PRDM16: variants seen among roughly 807,000 people sequenced by gnomAD.
The protein encoded by PRDM16 is PR/SET domain 16, also known as histone-lysine N-methyltransferase PRDM16.
A neutral mutation model predicts 110.6 loss-of-function variants in PRDM16; 23 were observed. The ratio of observed to expected loss-of-function variants is 0.21; its 90% confidence interval spans 0.15 to 0.29. The LOEUF (loss-of-function observed/expected upper bound fraction) is 0.29, where lower values mean the gene tolerates loss of function less well. PRDM16 is among the 10% of genes least tolerant of loss of function. The pLI is 1.00. For synonymous variants in PRDM16, 799 were observed against 781.8 expected (o/e 1.02, Z -0.37); for missense variants, 1,615 against 1,794.3 (o/e 0.90, Z 1.81).
chr1:3,140,796 C>T (rs1411900625), intron 1 of PRDM16, among the ~76,000 whole-genome samples: 6 of 152,362 alleles, frequency 3.9e-5, no homozygotes, highest in South Asian at 2.1e-4. Context: ...GTCCCGCCTC[C>T]GTTTCCGCAT....
At chr1:3,074,536 G>A (rs546760222) in intron 1 of PRDM16, among the ~76,000 whole-genome samples, 12 of 151,680 alleles carry the variant, frequency 7.9e-5, no homozygotes, top group Non-Finnish European at 1.8e-4. Context: ...TGCGTCCAGC[G>A]TGTAAGTGAC....
rs1018066858 is a variant in PRDM16 at position 3,245,140 on chromosome 1, G to T, written c.438+1003G>T. Among the ~76,000 whole-genome samples the T allele has an allele frequency of 2.0e-5, 3 of 152,202 alleles. No individual in the cohort carries two copies. In the South Asian group the frequency reaches 6.2e-4, roughly 31 times the overall value. On this transcript the variant is annotated intron_variant, in intron 3 of 16. Coordinates refer to ENST00000270722, the MANE Select transcript of PRDM16 (RefSeq NM_022114.4). The surrounding 1 kb of genome is among the most constrained non-coding windows in gnomAD (Gnocchi z 4.7). ...AGTGCTGAGTCAGTGCCTACCGAGT[G>T]CTGTTACAATTCTGTCAGAATTACA...
chr1:3,332,096 GC>G (rs994682136), intron 3 of PRDM16, among the ~76,000 whole-genome samples: 1 of 152,240 alleles, frequency 6.6e-6, no homozygotes, highest in Non-Finnish European at 1.5e-5. Flanking sequence ...GTCTGGCCAA[GC>G]CCCCGACCCT....
Position 3,165,591 on chromosome 1 carries a change from C to CAGGGACAGTGACTCACCTGGGCT in PRDM16, c.38-20534_38-20533insAGGGACAGTGACTCACCTGGGCT, listed in dbSNP as rs1643944629. 1.2e-3 allele frequency among the ~76,000 whole-genome samples: 14 copies of CAGGGACAGTGACTCACCTGGGCT among 11,518 alleles called. 6 individuals carry two copies. Among genetic ancestry groups the CAGGGACAGTGACTCACCTGGGCT allele is most frequent in the African/African-American group, 6.1e-3 (12 of 1,952 alleles). The allele number at this position is 11,518 out of a possible 152,430, so 7.6% of individuals were successfully genotyped here. A position where few individuals can be genotyped will look rare whatever the true frequency, so the allele number is the denominator to read the frequency against. ...CTCAGGGACAGGGACTCACCTGGGC[C>CAGGGACAGTGACTCACCTGGGCT]CAGGGACAGGGACTCACCTGGGCTC... On this transcript the variant is annotated intron_variant, in intron 1 of 16. Transcript: ENST00000270722.
At chr1:3,108,916 AT>A (rs1216200352) in intron 1 of PRDM16, among the ~76,000 whole-genome samples, 2 of 149,228 alleles carry the variant, frequency 1.3e-5, no homozygotes, top group African/African-American at 2.5e-5. Context: ...AAAAAAAAAA[AT>A]ACAAAAATAC....
chr1:3,184,392 C>A (rs1569793715), intron 1 of PRDM16, among the ~76,000 whole-genome samples: 1 of 152,090 alleles, frequency 6.6e-6, no homozygotes, highest in Non-Finnish European at 1.5e-5. Flanking sequence ...CGACAGGGTG[C>A]GGGGCGGGGG....
At chr1:3,135,689 G>A (rs2100691980) in intron 1 of PRDM16, among the ~76,000 whole-genome samples, 1 of 152,346 alleles carries the variant, frequency 6.6e-6, no homozygotes, top group East Asian at 1.9e-4. Context: ...TGGCATTGTG[G>A]GTCCCGCACA....
At position 3,175,724 on chromosome 1, in the gene PRDM16, A is replaced by C. The variant is rs1277876119; in HGVS notation, c.38-10401A>C. On this transcript the variant is annotated intron_variant, in intron 1 of 16. Transcript: ENST00000270722. This position sits in a 1 kb window ranked among gnomAD's most constrained non-coding sequence, Gnocchi z 4.8. ...GGTGCAGGGAGGGTGACAGCCGGTC[A>C]GCCCTGAAGAAGCAGCAGAGAAACC... is the stretch of plus-strand genomic sequence containing the variant. Among the ~76,000 whole-genome samples, 1 of 152,222 alleles carries C rather than the reference A, an allele frequency of 6.6e-6. No individual in the cohort carries two copies. Among genetic ancestry groups the C allele is most frequent in the Non-Finnish European group, 1.5e-5 (1 of 68,028 alleles).
In PRDM16 at chr1:3,186,467, G is replaced by A. The variant is rs762159347; in HGVS notation, c.380G>A (p.Gly127Glu). Residue 127 changes from glycine (G) to glutamate (E), a missense_variant, in exon 2 of 17, where the codon GGA (glycine) becomes GAA (glutamate). Physicochemically the swap from Gly to Glu is moderately conservative, Grantham distance 98. Around this residue, in one of 5 missense-constraint regions of PRDM16, gnomAD observed 416 missense variants for 467.1 expected, o/e 0.89. Coordinates refer to ENST00000270722, the MANE Select transcript of PRDM16 (RefSeq NM_022114.4). ...GCGGCGGCAAAGGAGACAGACTTCGGATGGGAGGTGAGCGATCGCGCCTGA... is the reference window on the plus strand; with the variant it reads ...GCGGCGGCAAAGGAGACAGACTTCGAATGGGAGGTGAGCGATCGCGCCTGA... ...PRAAAKETDF[G>E]WEQILTDVEV... 1 of 1,525,128 alleles carries A rather than the reference G, an allele frequency of 6.6e-7. No homozygotes were observed. The highest frequency in any genetic ancestry group is 8.8e-7 in the Non-Finnish European group (1 of 1,134,510). 94.5% of individuals were successfully genotyped at this position (1,525,128 alleles called of 1,614,324 possible).
chr1:3,435,372 G>C lies in PRDM16; in HGVS notation c.*1561G>C, dbSNP rs148630445. The C allele has an allele frequency of 4.3e-6, 1 of 230,510 alleles. No homozygotes were observed. The highest frequency in any genetic ancestry group is 8.6e-6 in the Non-Finnish European group (1 of 116,442). The allele number at this position is 230,510 out of a possible 1,614,324, so 14.3% of individuals were successfully genotyped here. A position where few individuals can be genotyped will look rare whatever the true frequency, so the allele number is the denominator to read the frequency against. On this transcript the variant is annotated 3_prime_UTR_variant, in exon 17 of 17. Transcript: ENST00000270722. ...AAACCGTGTGATAAGGTTGTGTGTC[G>C]TGTGGGAGTGGGGCGATTTTTTATG... is the stretch of plus-strand genomic sequence containing the variant.
In PRDM16 at chr1:3,209,523, G is replaced by A. The variant is rs746004853; in HGVS notation, c.387+23049G>A. On this transcript the variant is annotated intron_variant, in intron 2 of 16. Transcript: ENST00000270722. This position sits in a 1 kb window ranked among gnomAD's most constrained non-coding sequence, Gnocchi z 4.6. The stretch of plus-strand genomic sequence containing the variant: ...CCTGGGTGTGGAATAGGCCTCGCTG[G>A]GAGGCCGTGGTTCTGCTCCTGCACA... Among the ~76,000 whole-genome samples the A allele has an allele frequency of 2.0e-5, 3 of 152,202 alleles. No homozygotes were observed. The highest frequency in any genetic ancestry group is 4.4e-5 in the Non-Finnish European group (3 of 68,028).
chr1:3,161,135 G>A (rs1643893443), intron 1 of PRDM16, among the ~76,000 whole-genome samples: 1 of 152,154 alleles, frequency 6.6e-6, no homozygotes, highest in Non-Finnish European at 1.5e-5. Context: ...CTCAGCTGAG[G>A]ACAGCTGACA....
At chr1:3,076,101 A>G (rs904817643) in intron 1 of PRDM16, among the ~76,000 whole-genome samples, 9 of 152,158 alleles carry the variant, frequency 5.9e-5, no homozygotes, top group African/African-American at 2.2e-4. Context: ...GCTGTGAGGG[A>G]ACCCACCAGC....
chr1:3,110,392 T>C (rs1340253542), intron 1 of PRDM16, among the ~76,000 whole-genome samples: 2 of 149,696 alleles, frequency 1.3e-5, no homozygotes, highest in Admixed American at 1.3e-4. Context: ...CCCCATGTCC[T>C]GGGTGTGGGG....
At chr1:3,188,050 TG>T (rs1005886717) in intron 2 of PRDM16, among the ~76,000 whole-genome samples, 1 of 152,100 alleles carries the variant, frequency 6.6e-6, no homozygotes, top group Admixed American at 6.5e-5. Flanking sequence ...GGAGAGAGTT[TG>T]GAGTCGAAGA....
At chr1:3,116,562 G>T (rs1642964824) in intron 1 of PRDM16, among the ~76,000 whole-genome samples, 1 of 152,158 alleles carries the variant, frequency 6.6e-6, no homozygotes, top group Non-Finnish European at 1.5e-5. Context: ...GGCAGTGCCT[G>T]GTCTGCTCAG....
intron 3 of PRDM16, among the ~76,000 whole-genome samples, chr1:3,356,029 G>A (rs1557629793): frequency 6.6e-6 from 1 of 152,130 alleles, no homozygotes; most frequent in Non-Finnish European, 1.5e-5. Flanking sequence ...GGGCCCCTCC[G>A]TGACAGGTGA....
At chr1:3,372,811 A>C (rs1642927932) in intron 3 of PRDM16, among the ~76,000 whole-genome samples, 1 of 152,160 alleles carries the variant, frequency 6.6e-6, no homozygotes, top group Non-Finnish European at 1.5e-5. Flanking sequence ...GCTGCCCCAG[A>C]TCCCACCCTC....
intron 1 of PRDM16, among the ~76,000 whole-genome samples, chr1:3,134,893 C>T (rs945195215): frequency 2.6e-5 from 4 of 152,314 alleles, no homozygotes; most frequent in Non-Finnish European, 5.9e-5. Context: ...TCCTGAGAGC[C>T]CGGCGAGGGG....
Sources: allele counts gnomAD v4.1 joint callset (sites outside exome capture counted in the v4.1 genomes callset), GRCh38; gene constraint gnomAD v4.1.1; regional missense constraint gnomAD v4.1.1; non-coding constraint Gnocchi (gnomAD v3.1); transcripts MANE v1.5; gene names NCBI Gene and HGNC (gene_info 2026-07-23, HGNC 2026-07-21).